CCND3: variants seen among roughly 807,000 people sequenced by gnomAD.
CCND3 encodes G1/S-specific cyclin-D3.
In CCND3, 9 loss-of-function variants were observed where a neutral mutation model predicts 28.7. That is an observed-to-expected ratio of 0.31 (90% confidence interval 0.19 to 0.55). The LOEUF (loss-of-function observed/expected upper bound fraction) is 0.55, where lower values mean the gene tolerates loss of function less well. Among genes scored for constraint, CCND3 ranks in the 20% least tolerant of loss-of-function variants. The pLI is 0.93. For synonymous variants in CCND3, 164 were observed against 163.9 expected, an observed-to-expected ratio of 1.00 and a Z score of 0.00; for missense variants, 315 against 385.8, an observed-to-expected ratio of 0.82 and a Z score of 1.54.
At chr6:42,044,783 T>TTA (rs1582197636) in intron 1 of CCND3, among the ~76,000 whole-genome samples, 11 of 143,030 alleles carry the variant, frequency 7.7e-5, no homozygotes, top group Non-Finnish European at 1.5e-4. Flanking sequence ...CTTTCTTTCC[T>TTA]TTTATTTATT....
rs542026288 is a variant in CCND3 at position 41,962,139 on chromosome 6, C to T, written c.-45-21554G>A. Among the ~76,000 whole-genome samples, 11 of 152,232 alleles carry T rather than the reference C, an allele frequency of 7.2e-5. No homozygotes were observed. In the East Asian group the frequency reaches 2.1e-3, roughly 29 times the overall value. ...TTTTGAGTTGGAGTTTCACTCTTGT[C>T]GCCCAGGCTGGAGTGTAGTGGCACG... On this transcript the variant is annotated intron_variant, in intron 1 of 4. Coordinates refer to the CCND3 transcript ENST00000372988.
intron 1 of CCND3, among the ~76,000 whole-genome samples, chr6:42,016,813 G>A (rs1763532112): frequency 6.6e-6 from 1 of 152,060 alleles, no homozygotes; most frequent in Non-Finnish European, 1.5e-5. Context: ...TTGAACTCCT[G>A]ACCTCAAGTT....
chr6:41,944,622 A>T (rs888226804), upstream of CCND3, among the ~76,000 whole-genome samples: 2 of 152,054 alleles, frequency 1.3e-5, no homozygotes, highest in Non-Finnish European at 2.9e-5. Flanking sequence ...GGATTTCACC[A>T]TGTTGGCCAG....
intron 1 of CCND3, among the ~76,000 whole-genome samples, chr6:41,989,479 A>AC (rs66483035): frequency 2.6e-4 from 39 of 149,812 alleles, no homozygotes; most frequent in African/African-American, 8.3e-4. Flanking sequence ...AAAAAAAAAA[A>AC]CAGAAAAGAA....
intron 1 of CCND3, among the ~76,000 whole-genome samples, chr6:42,033,257 G>A (rs1764095652): frequency 6.6e-6 from 1 of 151,916 alleles, no homozygotes; most frequent in South Asian, 2.1e-4. Flanking sequence ...TTCGAGACCA[G>A]CCTGGCCAAC....
At chr6:41,984,756 C>G (rs1044626944) in intron 1 of CCND3, among the ~76,000 whole-genome samples, 13 of 152,320 alleles carry the variant, frequency 8.5e-5, no homozygotes, top group African/African-American at 2.9e-4. Flanking sequence ...TCCCTTTTCT[C>G]CACACCCTTG....
Position 41,996,727 on chromosome 6 carries a change from C to T in CCND3, c.-46+51774G>A, listed in dbSNP as rs550642161. 1.5e-4 allele frequency among the ~76,000 whole-genome samples: 22 copies of T among 148,206 alleles called. No individual in the cohort carries two copies. The South Asian group carries it at 4.7e-3, about 32-fold the overall frequency. On this transcript the variant is annotated intron_variant, in intron 1 of 4. Coordinates refer to the CCND3 transcript ENST00000372988. ...GTTGCCAGGCTGGAGTGCAGTGGCACAATCTCGGCTCACTGCAACCTCCAC... is the reference window on the plus strand; with the variant it reads ...GTTGCCAGGCTGGAGTGCAGTGGCATAATCTCGGCTCACTGCAACCTCCAC...
intron 1 of CCND3, chr6:42,031,498 T>G (rs2127436791): frequency 6.6e-6 from 1 of 152,336 alleles, no homozygotes; most frequent in Admixed American, 6.5e-5. Flanking sequence ...TCTCGGCACC[T>G]ACTGTCCCCT....
chr6:42,011,367 C>T (rs57484521), intron 1 of CCND3, among the ~76,000 whole-genome samples: 15,226 of 152,204 alleles, frequency 0.1, 779 homozygotes, highest in South Asian at 0.11. Context: ...TCCAGCAATC[C>T]TCCTGCCCCA....
At chr6:41,945,016 T>C (rs1028902150), upstream of CCND3, among the ~76,000 whole-genome samples, 44 of 152,030 alleles carry the variant, frequency 2.9e-4, no homozygotes, top group African/African-American at 9.9e-4. Flanking sequence ...CTTGTTTTTG[T>C]TTTTGTTTTT....
At chr6:41,987,487 C>G (rs1008669744) in intron 1 of CCND3, among the ~76,000 whole-genome samples, 1 of 114,378 alleles carries the variant, frequency 8.7e-6, no homozygotes, top group African/African-American at 3.3e-5. Flanking sequence ...TTCTCTCTCT[C>G]TCTCTCTCTC....
chr6:41,940,997 C>T, intron 1 of CCND3: 2 of 1,612,832 alleles, frequency 1.2e-6, no homozygotes, highest in Non-Finnish European at 1.7e-6. Context: ...CTGCACTTTT[C>T]ATTTCCCTGT....
chr6:41,973,095 C>G (rs1251497886), intron 1 of CCND3, among the ~76,000 whole-genome samples: 4 of 152,018 alleles, frequency 2.6e-5, no homozygotes, highest in African/African-American at 9.7e-5. Flanking sequence ...CTAAAATATC[C>G]AAAGGGGGAA....
chr6:42,020,442 C>G (rs1235869507), intron 1 of CCND3, among the ~76,000 whole-genome samples: 1 of 152,090 alleles, frequency 6.6e-6, no homozygotes, highest in Non-Finnish European at 1.5e-5. Flanking sequence ...ATCAGGTCCC[C>G]GGAAGGACTC....
chr6:41,941,083 C>A lies in CCND3; in HGVS notation c.198+369G>T. ...CGCGAAAGACACAGGAACCGGCTCC[C>A]GGGCGGGGGCGGCCGAGCCCAGGGT... On this transcript the variant is annotated intron_variant, in intron 1 of 4. Transcript: ENST00000372991. This position sits in a 1 kb window ranked among gnomAD's most constrained non-coding sequence, Gnocchi z 6.1. The A allele has an allele frequency of 6.4e-7, 1 of 1,553,330 alleles. No homozygotes were observed. The highest frequency in any genetic ancestry group is 1.4e-5 in the African/African-American group (1 of 73,272).
intron 1 of CCND3, among the ~76,000 whole-genome samples, chr6:41,958,521 A>T (rs1776494910): frequency 6.6e-6 from 1 of 152,220 alleles, no homozygotes; most frequent in African/African-American, 2.4e-5. Flanking sequence ...CAAACAATAC[A>T]AAGACAAATA....
Position 42,048,915 on chromosome 6 carries a change from A to C in CCND3, c.-460T>G, listed in dbSNP as rs376744087. The C allele has an allele frequency of 2.6e-4, 67 of 257,744 alleles. No individual in the cohort carries two copies. In the East Asian group the frequency reaches 0.011, roughly 44 times the overall value. The allele number at this position is 257,744 out of a possible 1,614,324, so 16.0% of individuals were successfully genotyped here. ...TAGGTGCGGGGGCGGGGCGCCACGG[A>C]GGCTCAGGTGTGGGCGGCGGGGCCG... On this transcript the variant is annotated 5_prime_UTR_variant, in exon 1 of 5. Coordinates refer to the CCND3 transcript ENST00000372988. This position sits in a 1 kb window ranked among gnomAD's most constrained non-coding sequence, Gnocchi z 4.7.
Position 41,974,792 on chromosome 6 carries a change from CTTTTTT to C in CCND3, c.-45-34213_-45-34208del, listed in dbSNP as rs762947208. The stretch of plus-strand genomic sequence containing the variant: ...GCCTAACTGTCAATTCCCCACAGTT[CTTTTTT>C]TTTTTTTTTTTTGAGACGGAGTCTA... On this transcript the variant is annotated intron_variant, in intron 1 of 4. Coordinates refer to the CCND3 transcript ENST00000372988. 1.6e-3 allele frequency among the ~76,000 whole-genome samples: 206 copies of C among 125,830 alleles called. 1 individual carries two copies. Among genetic ancestry groups the C allele is most frequent in the African/African-American group, 5.0e-3 (165 of 33,172 alleles). 82.5% of individuals were successfully genotyped at this position (125,830 alleles called of 152,430 possible).
intron 1 of CCND3, among the ~76,000 whole-genome samples, chr6:41,956,810 C>T (rs1228589839): frequency 5.3e-5 from 8 of 151,832 alleles, no homozygotes; most frequent in Non-Finnish European, 1.2e-4. Flanking sequence ...GGGCGGATCA[C>T]GAGGTGGGGA....
Sources: allele counts gnomAD v4.1 joint callset (sites outside exome capture counted in the v4.1 genomes callset), GRCh38; gene constraint gnomAD v4.1.1; non-coding constraint Gnocchi (gnomAD v3.1); transcripts MANE v1.5; gene names NCBI Gene and HGNC (gene_info 2026-07-23, HGNC 2026-07-21).